Variants in BCCIP observed in about 807,000 individuals in gnomAD.
BCCIP encodes the protein BRCA2 and CDKN1A interacting protein.
Under a neutral mutation model 32.8 loss-of-function variants are expected in BCCIP, and 23 were observed. That is an observed-to-expected ratio of 0.70 (90% CI 0.51 to 0.99). The LOEUF (loss-of-function observed/expected upper bound fraction) is 0.99. BCCIP is among the 50% of genes least tolerant of loss of function. The pLI, the probability that BCCIP is intolerant of heterozygous loss-of-function variation, is 0.00. For missense variants in BCCIP, 378 were observed against 379.8 expected (o/e 1.00, Z 0.04); for synonymous variants, 144 against 137.6 (o/e 1.05, Z -0.33).
chr10:125,832,384 T>A (rs1174280240), intron 5 of BCCIP, among the ~76,000 whole-genome samples: 1 of 152,100 alleles, frequency 6.6e-6, no homozygotes, highest in Non-Finnish European at 1.5e-5. Context: ...TCATAGCCCT[T>A]GCGTTGTGGT....
Position 125,823,607 on chromosome 10 carries a change from C to G in BCCIP, c.50C>G (p.Pro17Arg). Residue 17 changes from proline (P) to arginine (R), a missense_variant, in exon 1 of 7, where the codon CCG becomes CGG. Transcript: ENST00000278100. Reference protein sequence around the residue: ...RRAVESGVPQPPDPPVQRDEE... With the variant: ...RRAVESGVPQRPDPPVQRDEE... ...GCCGTGGAAAGTGGGGTTCCGCAGC[C>G]GCCGGATCCCCCAGTCCAGCGCGAC... 6.2e-7 allele frequency: 1 copy of G among 1,614,022 alleles called. No homozygotes were observed. Among genetic ancestry groups the G allele is most frequent in the Non-Finnish European group, 8.5e-7 (1 of 1,179,972 alleles).
chr10:125,842,198 C>G (rs1854901529), exon 7 of BCCIP: 1 of 395,852 alleles, frequency 2.5e-6, no homozygotes, highest in African/African-American at 2.1e-5. Context: ...CCAGGTGGAG[C>G]CTGCCAGCCT....
downstream of BCCIP, among the ~76,000 whole-genome samples, chr10:125,839,967 C>G (rs112150717): frequency 7.8e-3 from 1,188 of 152,340 alleles, 22 homozygotes; most frequent in African/African-American, 0.026. Flanking sequence ...GCTGGCTCCA[C>G]TGACAACTTT....
downstream of BCCIP, among the ~76,000 whole-genome samples, chr10:125,844,745 G>A (rs1184750396): frequency 6.6e-6 from 1 of 152,212 alleles, no homozygotes; most frequent in Admixed American, 6.5e-5. Flanking sequence ...TGGAATGGAA[G>A]TGTTTTAGTG....
rs1192388396 is a variant in BCCIP at position 125,826,381 on chromosome 10, CGTG to C, written c.166-209_166-207del. ...AAAATAATTTATCCTTTGTGGCTGC[CGTG>C]TCTGGTTTATTTGAACTGGACTTTC... On this transcript the variant is annotated intron_variant, in intron 1 of 6. Transcript: ENST00000278100. The C allele has an allele frequency of 6.0e-6, 4 of 661,996 alleles. No individual in the cohort carries two copies. In the African/African-American group the frequency reaches 7.6e-5, roughly 13 times the overall value. The allele number at this position is 661,996 out of a possible 1,614,324, so 41.0% of individuals were successfully genotyped here. A position where few individuals can be genotyped will look rare whatever the true frequency, so the allele number is the denominator to read the frequency against.
intron 7 of BCCIP, chr10:125,852,219 A>G (rs1267954767): frequency 1.3e-5 from 20 of 1,560,436 alleles, no homozygotes; most frequent in Non-Finnish European, 1.4e-5. Flanking sequence ...CATCATGTGA[A>G]CTCAGGACAG....
chr10:125,852,605 A>C (rs1944105296), intron 7 of BCCIP: 2 of 1,613,132 alleles, frequency 1.2e-6, no homozygotes, highest in South Asian at 2.2e-5. Context: ...GATGGGCTGC[A>C]TGACGAGCGA....
exon 8 of BCCIP, chr10:125,853,683 A>T (rs1944120243): frequency 2.9e-6 from 1 of 350,830 alleles, no homozygotes; most frequent in Admixed American, 4.5e-5. Flanking sequence ...ATTAAAGATG[A>T]CTATCACCTT....
chr10:125,852,187 C>CAA, intron 7 of BCCIP: 1 of 1,384,816 alleles, frequency 7.2e-7, no homozygotes, highest in Non-Finnish European at 9.7e-7. Flanking sequence ...ACGCCCCCTC[C>CAA]ATGCTTGTGT....
In BCCIP at chr10:125,841,893, G is replaced by A. The variant is rs753407497; in HGVS notation, c.*534G>A. On this transcript the variant is annotated 3_prime_UTR_variant, in exon 7 of 7. Transcript: ENST00000299130. Reference sequence around the variant, plus strand: ...TTTCCATCATTATCCAGTGCTGCCAGATAATCTAAGTCTTCCAATGCCTGC... The same window carrying A: ...TTTCCATCATTATCCAGTGCTGCCAAATAATCTAAGTCTTCCAATGCCTGC... 1.9e-5 allele frequency: 31 copies of A among 1,608,980 alleles called. No individual in the cohort carries two copies. Among genetic ancestry groups the A allele is most frequent in the Non-Finnish European group, 2.5e-5 (29 of 1,178,848 alleles).
In BCCIP at chr10:125,836,242, A is replaced by C; in HGVS notation, c.913A>C (p.Met305Leu). The C allele has an allele frequency of 6.2e-7, 1 of 1,614,220 alleles. No homozygotes were observed. Among genetic ancestry groups the C allele is most frequent in the Non-Finnish European group, 8.5e-7 (1 of 1,180,020 alleles). ...TCCAGGCGACAAGATGAACGAAATC[A>C]TGGATAAACTGAAAGAATATCTATC... is the stretch of plus-strand genomic sequence containing the variant. ...LIPGDKMNEI[M>L]DKLKEYLSV Residue 305 changes from methionine (M) to leucine (L), a missense_variant, in exon 7 of 7, where the codon ATG becomes CTG. Met to Leu is a conservative substitution (Grantham distance 15). Transcript: ENST00000278100.
exon 7 of BCCIP, chr10:125,842,067 C>G: frequency 2.6e-6 from 3 of 1,173,118 alleles, no homozygotes; most frequent in Non-Finnish European, 3.4e-6. Context: ...TTGCAAGCCA[C>G]CAAATACCAG....
intron 7 of BCCIP, among the ~76,000 whole-genome samples, chr10:125,851,333 T>G (rs1161193840): frequency 2.0e-5 from 3 of 152,250 alleles, no homozygotes; most frequent in Non-Finnish European, 4.4e-5. Flanking sequence ...CCTAACCCTT[T>G]TGTCCCCCAG....
At chr10:125,852,572 C>A (rs61757586) in intron 7 of BCCIP, 1 of 1,613,742 alleles carries the variant, frequency 6.2e-7, no homozygotes, top group South Asian at 1.1e-5. Context: ...AATCTGCTTG[C>A]GTATCTCTGC....
At chr10:125,846,505 T>C (rs549596685), downstream of BCCIP, among the ~76,000 whole-genome samples, 1 of 152,330 alleles carries the variant, frequency 6.6e-6, no homozygotes, top group Non-Finnish European at 1.5e-5. Flanking sequence ...TCTTGTGCTA[T>C]TGGCACTGGC....
chr10:125,840,578 A>G (rs1854850180), downstream of BCCIP, among the ~76,000 whole-genome samples: 1 of 152,200 alleles, frequency 6.6e-6, no homozygotes. Flanking sequence ...GCCCCAAGCA[A>G]GCTTGCTCTG....
chr10:125,830,503 T>C (rs1372772471), intron 3 of BCCIP, 59 bp from the exon 4 acceptor site: 11 of 1,174,220 alleles, frequency 9.4e-6, no homozygotes, highest in Non-Finnish European at 1.1e-5. Flanking sequence ...CAAGACTTGG[T>C]TTTATACTCT....
Position 125,826,580 on chromosome 10 carries a change from G to A in BCCIP, c.166-11G>A. 1.9e-6 allele frequency: 3 copies of A among 1,612,710 alleles called. No homozygotes were observed. Among genetic ancestry groups the A allele is most frequent in the Non-Finnish European group, 2.5e-6 (3 of 1,179,434 alleles). On this transcript the variant is annotated splice_polypyrimidine_tract_variant and intron_variant, in intron 1 of 6. Transcript: ENST00000278100. Reference sequence around the variant, plus strand: ...TTTTCTGGTAACAACTATTTTGTGTGTTATTTACAGGAAGTGAATATTGAA... The same window carrying A: ...TTTTCTGGTAACAACTATTTTGTGTATTATTTACAGGAAGTGAATATTGAA...
At chr10:125,836,879 G>A, downstream of BCCIP, 3 of 1,607,834 alleles carry the variant, frequency 1.9e-6, no homozygotes, top group Non-Finnish European at 2.6e-6. Flanking sequence ...ACAAAAAGAT[G>A]AGATTATGAG....
Sources: gnomAD v4.1 joint callset for allele counts (sites outside exome capture counted in the v4.1 genomes callset) on GRCh38, gnomAD v4.1.1 for gene constraint, MANE v1.5 for transcripts, NCBI Gene and HGNC (gene_info 2026-07-23, HGNC 2026-07-21) for gene names.